Variants in TRAPPC11 observed in about 807,000 individuals in gnomAD.
The protein encoded by TRAPPC11 is trafficking protein particle complex subunit 11.
In TRAPPC11, 104 loss-of-function variants were observed where a neutral mutation model predicts 151.2. The observed-to-expected ratio is 0.69, with a 90% confidence interval of 0.59 to 0.81. The LOEUF is 0.81. TRAPPC11 is among the 30% of genes least tolerant of loss of function. The pLI is 0.00. For missense variants in TRAPPC11, 1,230 were observed against 1,349.6 expected, an observed-to-expected ratio of 0.91 and a Z score of 1.39; for synonymous variants, 456 against 472.3, an observed-to-expected ratio of 0.97 and a Z score of 0.45.
chr4:183,697,373 T>TA, intron 23 of TRAPPC11, 130 bp from the exon 24 acceptor site: 1 of 849,216 alleles, frequency 1.2e-6, no homozygotes, highest in East Asian at 2.8e-5. Flanking sequence ...AAATGTTATC[T>TA]AAAAGGCCTT....
chr4:183,694,696 AAAAG>A lies in TRAPPC11; in HGVS notation c.2605_2608del (p.Glu869LeufsTer11). The A allele has an allele frequency of 6.2e-7, 1 of 1,609,170 alleles. No individual in the cohort carries two copies. The highest frequency in any genetic ancestry group is 8.5e-7 in the Non-Finnish European group (1 of 1,179,010). ...ACCTGATAAATACAACCGTTGAAGA[AAAAG>A]AAATTGTTTGCAAGTGTCACAAGGT... On this transcript the variant is annotated frameshift_variant, in exon 23 of 30. Transcript: ENST00000334690. LOFTEE classifies it high-confidence loss of function.
At chr4:183,673,842 T>C (rs749774014) in intron 5 of TRAPPC11, among the ~76,000 whole-genome samples, 2 of 152,230 alleles carry the variant, frequency 1.3e-5, no homozygotes, top group Non-Finnish European at 2.9e-5. Flanking sequence ...TAACTTCTTT[T>C]CACCAAAGAA....
chr4:183,661,757 CTT>C (rs562308106), intron 1 of TRAPPC11, among the ~76,000 whole-genome samples: 11,598 of 99,776 alleles, frequency 0.12, 555 homozygotes, highest in South Asian at 0.15. Context: ...TTTGGAATAA[CTT>C]TTTTTTTTTT....
intron 23 of TRAPPC11, 63 bp downstream of exon 23, chr4:183,694,786 T>C: frequency 6.5e-7 from 1 of 1,538,724 alleles, no homozygotes; most frequent in Non-Finnish European, 8.8e-7. Flanking sequence ...TGTGTTATTT[T>C]AGTTTACCTA....
intron 23 of TRAPPC11, 56 bp downstream of exon 23, chr4:183,694,779 GTTATT>G (rs1204264679): frequency 1.3e-6 from 2 of 1,554,280 alleles, no homozygotes. Context: ...CCCATTTTGT[GTTATT>G]TTAGTTTACC....
intron 26 of TRAPPC11, among the ~76,000 whole-genome samples, chr4:183,702,236 C>A (rs999381695): frequency 6.6e-6 from 1 of 151,794 alleles, no homozygotes; most frequent in Non-Finnish European, 1.5e-5. Flanking sequence ...CCCAGCTACT[C>A]AGGAGGCTGA....
chr4:183,704,655 T>C (rs1736963899), intron 26 of TRAPPC11, among the ~76,000 whole-genome samples: 1 of 147,354 alleles, frequency 6.8e-6, no homozygotes, highest in Non-Finnish European at 1.5e-5. Flanking sequence ...CTACTAAAAA[T>C]ACAAAAAATT....
chr4:183,681,597 G>C (rs185235394), intron 10 of TRAPPC11, among the ~76,000 whole-genome samples: 43 of 152,112 alleles, frequency 2.8e-4, no homozygotes, highest in African/African-American at 1.0e-3. Flanking sequence ...TGGCTAACAC[G>C]ATGAAACCCC....
At chr4:183,686,479 T>G in intron 17 of TRAPPC11, 139 bp from the exon 18 acceptor site, 2 of 900,610 alleles carry the variant, frequency 2.2e-6, no homozygotes, top group South Asian at 4.7e-5. Flanking sequence ...ATTTGTCTCT[T>G]GAAGTGCCTT....
chr4:183,712,424 AAG>A (rs1214690181), intron 29 of TRAPPC11, among the ~76,000 whole-genome samples, 174 bp from the exon 30 acceptor site: 1 of 152,202 alleles, frequency 6.6e-6, no homozygotes, highest in Non-Finnish European at 1.5e-5. Context: ...TGAAGAAAGA[AAG>A]AGGTGGGGTG....
chr4:183,691,422 T>G lies in TRAPPC11; in HGVS notation c.2000T>G (p.Leu667Arg), dbSNP rs1736253678. 1 of 1,536,660 alleles carries G rather than the reference T, an allele frequency of 6.5e-7. No individual in the cohort carries two copies. Among genetic ancestry groups the G allele is most frequent in the Non-Finnish European group, 8.8e-7 (1 of 1,131,966 alleles). ...CTAGTTCCTGGCAAAACAAGAAAAC[T>G]GTTATTTAAGTTTGTTGCAAAAACT... ...MCLVPGKTRK[L>R]LFKFVAKTED... is the part of the protein sequence containing the mutation. The change falls in exon 19 of 30, where the codon CTG becomes CGG. Residue 667 changes from leucine to arginine, a missense_variant. By Grantham distance (102) the Leu-to-Arg change is moderately radical (BLOSUM62 -2). Coordinates refer to ENST00000334690, the MANE Select transcript of TRAPPC11 (RefSeq NM_021942.6).
intron 5 of TRAPPC11, among the ~76,000 whole-genome samples, chr4:183,670,134 G>A (rs1270524073): frequency 6.6e-6 from 1 of 152,196 alleles, no homozygotes; most frequent in South Asian, 2.1e-4. Flanking sequence ...ATCTGGGAGG[G>A]AAGTAGTGGA....
intron 17 of TRAPPC11, among the ~76,000 whole-genome samples, chr4:183,685,959 G>A (rs35527286): frequency 3.9e-4 from 60 of 152,030 alleles, no homozygotes; most frequent in Non-Finnish European, 6.3e-4. Flanking sequence ...TCAGCCTCCT[G>A]ACTAGCTGAG....
intron 25 of TRAPPC11, among the ~76,000 whole-genome samples, chr4:183,700,490 C>T (rs1457045614): frequency 6.6e-6 from 1 of 152,186 alleles, no homozygotes; most frequent in Non-Finnish European, 1.5e-5. Flanking sequence ...TAAATATGTA[C>T]TGTTGCCTGC....
chr4:183,705,622 C>A (rs1456159744), intron 27 of TRAPPC11, among the ~76,000 whole-genome samples: 1 of 152,154 alleles, frequency 6.6e-6, no homozygotes, highest in Non-Finnish European at 1.5e-5. Context: ...TCCCTCCCCG[C>A]ATCTCTTCCT....
At chr4:183,671,621 G>A (rs7657090) in intron 5 of TRAPPC11, among the ~76,000 whole-genome samples, 74,572 of 152,004 alleles carry the variant, frequency 0.49, 18,903 homozygotes, top group African/African-American at 0.62. Context: ...TACAAAATTC[G>A]GGAACACCCC....
At chr4:183,662,508 G>T (rs1456772040) in intron 1 of TRAPPC11, among the ~76,000 whole-genome samples, 1 of 152,010 alleles carries the variant, frequency 6.6e-6, no homozygotes, top group Non-Finnish European at 1.5e-5. Flanking sequence ...CTGATTCTTA[G>T]CTAAAGGACG....
chr4:183,697,780 C>G lies in TRAPPC11; in HGVS notation c.2796C>G (p.Leu932=), dbSNP rs1363852410. 6.2e-7 allele frequency: 1 copy of G among 1,614,024 alleles called. No individual in the cohort carries two copies. Among genetic ancestry groups the G allele is most frequent in the South Asian group, 1.1e-5 (1 of 91,076 alleles). The change falls in exon 25 of 30, where the codon CTC becomes CTG. Residue 932 remains leucine, a synonymous_variant. Coordinates refer to ENST00000334690, the MANE Select transcript of TRAPPC11 (RefSeq NM_021942.6). ...CCCTCACTATTGTTTCCAGTGAGCT[C>G]CAGCTTGCTCCATCCATGACCACAG... The part of the protein sequence containing the change: ...PWALTIVSSE[L]QLAPSMTTVD...
chr4:183,686,206 C>T (rs962005418), intron 17 of TRAPPC11, among the ~76,000 whole-genome samples: 2 of 152,230 alleles, frequency 1.3e-5, no homozygotes, highest in East Asian at 1.9e-4. Flanking sequence ...CTGCGACCTC[C>T]GTTTACCACA....
Sources: gnomAD v4.1 joint callset for allele counts (sites outside exome capture counted in the v4.1 genomes callset) on GRCh38, gnomAD v4.1.1 for gene constraint, MANE v1.5 for transcripts, NCBI Gene and HGNC (gene_info 2026-07-23, HGNC 2026-07-21) for gene names.